SCN4A: variants seen among roughly 807,000 people sequenced by gnomAD.
The protein encoded by SCN4A is sodium channel protein type 4 subunit alpha.
In SCN4A, 83 loss-of-function variants were observed where a neutral mutation model predicts 162.0. The observed-to-expected ratio is 0.51, with a 90% CI of 0.43 to 0.61. The LOEUF (loss-of-function observed/expected upper bound fraction) is 0.61. Ranked by LOEUF, SCN4A falls within the 20% of genes least tolerant of loss-of-function variation. SCN4A has a pLI of 0.00. For missense variants in SCN4A, 2,196 were observed against 2,462.5 expected (o/e 0.89, Z 2.29); for synonymous variants, 944 against 985.1 (o/e 0.96, Z 0.78).
chr17:63,960,853 GC>G (rs1191577157), intron 11 of SCN4A, among the ~76,000 whole-genome samples: 1 of 151,940 alleles, frequency 6.6e-6, no homozygotes, highest in East Asian at 1.9e-4. Context: ...TTGTCAGCTA[GC>G]CCCTTCACCC....
chr17:63,970,783 AC>A (rs1449217524), intron 5 of SCN4A, among the ~76,000 whole-genome samples: 1 of 152,050 alleles, frequency 6.6e-6, no homozygotes, highest in African/African-American at 2.4e-5. Flanking sequence ...ACAGGTGCAC[AC>A]CACCATGCCA....
chr17:63,945,100 C>T lies in SCN4A; in HGVS notation c.3721-40G>A, dbSNP rs1172144363. The stretch of plus-strand genomic sequence containing the variant: ...TTGGGGAGTGAGCCGGGGGGCTGCT[C>T]CCTGCTTTCATCATCCATGAGTTTC... On this transcript the variant is annotated intron_variant, in intron 19 of 23. Coordinates refer to ENST00000435607, the MANE Select transcript of SCN4A (RefSeq NM_000334.4). This position sits in a 1 kb window ranked among gnomAD's most constrained non-coding sequence, Gnocchi z 4.4. 2 of 1,600,104 alleles carry T rather than the reference C, an allele frequency of 1.2e-6. No homozygotes were observed. The highest frequency in any genetic ancestry group is 1.3e-5 in the African/African-American group (1 of 74,668).
At chr17:63,960,859 TCACCCCTATCTCCA>T (rs1428507058) in intron 11 of SCN4A, among the ~76,000 whole-genome samples, 1 of 151,910 alleles carries the variant, frequency 6.6e-6, no homozygotes, top group Non-Finnish European at 1.5e-5. Context: ...GCTAGCCCCT[TCACCCCTATCTCCA>T]CACCCCCATT....
Position 63,938,971 on chromosome 17 carries a change from G to A in SCN4A, c.*1800C>T, listed in dbSNP as rs757507187. 1 of 153,490 alleles carries A rather than the reference G, an allele frequency of 6.5e-6. No homozygotes were observed. Among genetic ancestry groups the A allele is most frequent in the Non-Finnish European group, 1.5e-5 (1 of 68,506 alleles). The allele number at this position is 153,490 out of a possible 1,614,324, so 9.5% of individuals were successfully genotyped here. A position where few individuals can be genotyped will look rare whatever the true frequency, so the allele number is the denominator to read the frequency against. On this transcript the variant is annotated 3_prime_UTR_variant, in exon 24 of 24. Coordinates refer to ENST00000435607, the MANE Select transcript of SCN4A (RefSeq NM_000334.4). ...GTGTGACAACGAGAAACAGGAAGGG[G>A]AGGAGAGGGGAGTGAGAGAGAGGGC...
rs756857595 is a variant in SCN4A, at chr17:63,957,261, G to A, written c.2277C>T (p.Cys759=). 6.2e-6 allele frequency: 10 copies of A among 1,613,770 alleles called. No individual in the cohort carries two copies. The highest frequency in any genetic ancestry group is 1.6e-4 in the Middle Eastern group (1 of 6,082). Residue 759 remains cysteine, a synonymous_variant, in exon 13 of 24, where the codon TGC becomes TGT. Coordinates refer to ENST00000435607, the MANE Select transcript of SCN4A (RefSeq NM_000334.4). The stretch of plus-strand genomic sequence containing the variant: ...CCCACATGGTCTCGATCCACTCCCC[G>A]CACAGGATGCGGAAGACGATGAGGA... ...HSFLIVFRIL[C]GEWIETMWDC... is the part of the protein sequence containing the mutation.
chr17:63,957,197 C>T lies in SCN4A; in HGVS notation c.2341G>A (p.Val781Ile), dbSNP rs62070884. 7.7e-3 allele frequency: 12,269 copies of T among 1,590,850 alleles called. 77 individuals carry two copies. Among genetic ancestry groups the T allele is most frequent in the Admixed American group, 0.031 (1,829 of 59,366 alleles). ...EVAGQAMCLT[V>I]FLMVMVIGNL... Reference sequence around the variant, plus strand: ...CCGATGACCATGACCATGAGGAAGACGGTGAGGCACATGGCTTGGCCGGCC... The same window carrying T: ...CCGATGACCATGACCATGAGGAAGATGGTGAGGCACATGGCTTGGCCGGCC... Residue 781 changes from valine (V) to isoleucine (I), a missense_variant, in exon 13 of 24, where the codon GTC (valine) becomes ATC (isoleucine). Transcript: ENST00000435607.
intron 18 of SCN4A, among the ~76,000 whole-genome samples, chr17:63,946,475 C>CCCG (rs1555601589): frequency 4.3e-5 from 5 of 116,286 alleles, no homozygotes; most frequent in African/African-American, 2.5e-4. Context: ...CCCCCCCCCA[C>CCCG]CCCGCCGCAA....
rs143886329 is a variant in SCN4A at position 63,944,291 on chromosome 17, C to T, written c.3912+382G>A. On this transcript the variant is annotated intron_variant, in intron 21 of 23. Transcript: ENST00000435607. This position sits in a 1 kb window ranked among gnomAD's most constrained non-coding sequence, Gnocchi z 4.3. The stretch of plus-strand genomic sequence containing the variant: ...AGTAGCTGGGATTACAGATGCCTGC[C>T]ACCACGCCTGGCTAATTTCTTTTTT... Among the ~76,000 whole-genome samples the T allele has an allele frequency of 1.1e-3, 167 of 152,232 alleles. No individual in the cohort carries two copies. Among genetic ancestry groups the T allele is most frequent in the South Asian group, 5.4e-3 (26 of 4,816 alleles).
intron 5 of SCN4A, among the ~76,000 whole-genome samples, chr17:63,969,278 C>T (rs994680384): frequency 1.3e-5 from 2 of 152,214 alleles, no homozygotes; most frequent in Non-Finnish European, 2.9e-5. Flanking sequence ...ATTCTTTAGA[C>T]AGACAAAGGC....
intron 13 of SCN4A, 79 bp downstream of exon 13, chr17:63,957,083 A>C: frequency 1.0e-6 from 1 of 971,298 alleles, no homozygotes. Flanking sequence ...TGTTGGGGAG[A>C]TAGAAAACAG....
At position 63,948,072 on chromosome 17, in the gene SCN4A, A is replaced by C; in HGVS notation, c.3145-9T>G. The C allele has an allele frequency of 6.3e-7, 1 of 1,588,426 alleles. No individual in the cohort carries two copies. On this transcript the variant is annotated splice_polypyrimidine_tract_variant and intron_variant, in intron 16 of 23. Coordinates refer to ENST00000435607, the MANE Select transcript of SCN4A (RefSeq NM_000334.4). ...TAGATGTCCTCGAAGGCCTGGGGGC[A>C]CCAGCACCACCAGGGTGGCTGGGGT...
At chr17:63,955,562 G>A (rs926853838) in intron 13 of SCN4A, among the ~76,000 whole-genome samples, 2 of 152,182 alleles carry the variant, frequency 1.3e-5, no homozygotes, top group Admixed American at 6.5e-5. Flanking sequence ...CAGTCAGTGA[G>A]TGGCAAAGTG....
chr17:63,947,008 A>ACCCCCCCCCCC, intron 18 of SCN4A, 37 bp downstream of exon 18: 1 of 782,418 alleles, frequency 1.3e-6, no homozygotes, highest in Non-Finnish European at 2.1e-6. Context: ...CCGGTCCCCC[A>ACCCCCCCCCCC]TCCCCAGCCC....
At chr17:63,965,767 G>A (rs796542005) in intron 8 of SCN4A, among the ~76,000 whole-genome samples, 10 of 152,338 alleles carry the variant, frequency 6.6e-5, no homozygotes, top group African/African-American at 7.2e-5. Context: ...GATTTCAGGC[G>A]TGAGCCACCG....
chr17:63,948,965 C>T (rs965244020), intron 15 of SCN4A, among the ~76,000 whole-genome samples, 200 bp from the exon 16 acceptor site: 2 of 152,222 alleles, frequency 1.3e-5, no homozygotes, highest in Non-Finnish European at 2.9e-5. Flanking sequence ...CTGGATCCAA[C>T]ATGCGTCAAT....
chr17:63,942,952 T>A lies in SCN4A; in HGVS notation c.4162A>T (p.Ile1388Phe). The A allele has an allele frequency of 6.2e-7, 1 of 1,614,010 alleles. No individual in the cohort carries two copies. The change falls in exon 23 of 24, where the codon ATC (isoleucine) becomes TTC (phenylalanine). Residue 1388 changes from isoleucine to phenylalanine, a missense_variant. Transcript: ENST00000435607. ...SQLKVDILYN[I>F]NMIFIIIFTG... The stretch of plus-strand genomic sequence containing the variant: ...AAGATGATGATGAAGATCATGTTGA[T>A]GTTGTACAGGATGTCCACCTTGAGC...
chr17:63,944,939 T>C lies in SCN4A; in HGVS notation c.3774+68A>G. The C allele has an allele frequency of 6.3e-7, 1 of 1,593,202 alleles. No individual in the cohort carries two copies. The highest frequency in any genetic ancestry group is 1.1e-5 in the South Asian group (1 of 89,518). ...CTCGGGGACAGAACGTGCTGCCAAGTCTCCCTCCTGTCTTGAGTCCTCTTC... is the reference window on the plus strand; with the variant it reads ...CTCGGGGACAGAACGTGCTGCCAAGCCTCCCTCCTGTCTTGAGTCCTCTTC... On this transcript the variant is annotated intron_variant, in intron 20 of 23. Coordinates refer to ENST00000435607, the MANE Select transcript of SCN4A (RefSeq NM_000334.4). The surrounding 1 kb of genome is among the most constrained non-coding windows in gnomAD (Gnocchi z 4.3).
intron 4 of SCN4A, 81 bp from the exon 5 acceptor site, chr17:63,971,334 T>C: frequency 1.2e-6 from 1 of 804,188 alleles, no homozygotes; most frequent in East Asian, 2.7e-5. Context: ...CCTCCAGGCC[T>C]GGGATGAGGA....
Position 63,951,315 on chromosome 17 carries a change from A to C in SCN4A, c.2853+109T>G, listed in dbSNP as rs1419780154. 4 of 743,102 alleles carry C rather than the reference A, an allele frequency of 5.4e-6. No homozygotes were observed. The highest frequency in any genetic ancestry group is 8.8e-6 in the Non-Finnish European group (4 of 455,142). 46.0% of individuals were successfully genotyped at this position (743,102 alleles called of 1,614,324 possible). On this transcript the variant is annotated intron_variant, in intron 14 of 23. Transcript: ENST00000435607. The surrounding 1 kb of genome is among the most constrained non-coding windows in gnomAD (Gnocchi z 4.5). ...GCTTGCAACAATGCCATAGGGCACC[A>C]CCCCCATTTTACAGCTGGAGAAACT...
Sources: allele counts gnomAD v4.1 joint callset (sites outside exome capture counted in the v4.1 genomes callset), GRCh38; gene constraint gnomAD v4.1.1; non-coding constraint Gnocchi (gnomAD v3.1); transcripts MANE v1.5; gene names NCBI Gene and HGNC (gene_info 2026-07-23, HGNC 2026-07-21).